Variants in DYNC2H1 observed in about 807,000 individuals in gnomAD.
DYNC2H1 encodes the protein cytoplasmic dynein 2 heavy chain 1.
Under a neutral mutation model 570.0 loss-of-function variants are expected in DYNC2H1, and 410 were observed. The observed-to-expected ratio is 0.72, with a 90% CI of 0.66 to 0.78. The LOEUF (loss-of-function observed/expected upper bound fraction) is 0.78. Among genes scored for constraint, DYNC2H1 ranks in the 30% least tolerant of loss-of-function variants. DYNC2H1 has a pLI of 0.00. For synonymous variants in DYNC2H1, 1,688 were observed against 1,677.6 expected (o/e 1.01, Z -0.15); for missense variants, 4,865 against 5,046.4 (o/e 0.96, Z 1.09).
At chr11:103,168,017 C>T (rs1861402609) in intron 31 of DYNC2H1, among the ~76,000 whole-genome samples, 1 of 152,156 alleles carries the variant, frequency 6.6e-6, no homozygotes, top group African/African-American at 2.4e-5. Context: ...TTTTTTCAAT[C>T]TCCTTCTTCT....
In DYNC2H1 at chr11:103,399,048, G is replaced by A. The variant is rs867890869; in HGVS notation, c.12157-615G>A. Among the ~76,000 whole-genome samples, 10 of 151,696 alleles carry A rather than the reference G, an allele frequency of 6.6e-5. No individual in the cohort carries two copies. The Middle Eastern group carries it at 0.017, about 258-fold the overall frequency. On this transcript the variant is annotated intron_variant, in intron 83 of 88. Coordinates refer to ENST00000375735, the MANE Select transcript of DYNC2H1 (RefSeq NM_001377.3). ...TTCTGATCTCTTTGCATTGACTTAC[G>A]GGATGCCATTTTTTCTACTTTCTTT...
intron 75 of DYNC2H1, among the ~76,000 whole-genome samples, chr11:103,290,335 T>C (rs1157594996): frequency 6.6e-6 from 1 of 152,146 alleles, no homozygotes; most frequent in Non-Finnish European, 1.5e-5. Context: ...GATGAGTATA[T>C]GGAAATAAGT....
rs1000091191 is a variant in DYNC2H1, at chr11:103,129,485, C to T, written c.1953+480C>T. On this transcript the variant is annotated intron_variant, in intron 13 of 88. Transcript: ENST00000375735. The surrounding 1 kb of genome is among the most constrained non-coding windows in gnomAD (Gnocchi z 4.1). ...TCACCTGACATCAGGGGTTTGAGAC[C>T]AGCCTGGCCAACATGGTGAAACCCC... 6.6e-6 allele frequency among the ~76,000 whole-genome samples: 1 copy of T among 152,118 alleles called. No homozygotes were observed. The highest frequency in any genetic ancestry group is 6.6e-5 in the Admixed American group (1 of 15,262).
At chr11:103,162,219 G>A (rs538559878) in intron 29 of DYNC2H1, among the ~76,000 whole-genome samples, 1 of 21,578 alleles carries the variant, frequency 4.6e-5, no homozygotes, top group Non-Finnish European at 8.2e-5. Flanking sequence ...GCACTGAGAG[G>A]CAGATTCTCA....
rs546350427 is a variant in DYNC2H1, at chr11:103,304,253, A to C, written c.11257-342A>C. On this transcript the variant is annotated intron_variant, in intron 76 of 88. Coordinates refer to ENST00000375735, the MANE Select transcript of DYNC2H1 (RefSeq NM_001377.3). The stretch of plus-strand genomic sequence containing the variant: ...GCAGCGCTGTTAGGCTCAGGTGTGA[A>C]GGTTTTGCACTAAGTCTAGAGAGTT... Among the ~76,000 whole-genome samples, 15 of 152,276 alleles carry C rather than the reference A, an allele frequency of 9.9e-5. No individual in the cohort carries two copies. In the East Asian group the frequency reaches 2.7e-3, roughly 27 times the overall value.
At chr11:103,214,436 A>ACTT (rs1362742305) in intron 54 of DYNC2H1, among the ~76,000 whole-genome samples, 11 of 111,710 alleles carry the variant, frequency 9.8e-5, no homozygotes, top group Admixed American at 8.9e-4. Context: ...CAATACTAGT[A>ACTT]CTTCTTCTTC....
chr11:103,212,081 AC>A, intron 54 of DYNC2H1, 138 bp downstream of exon 54: 5 of 1,092,860 alleles, frequency 4.6e-6, no homozygotes, highest in Non-Finnish European at 4.7e-6. Flanking sequence ...AAACAGTCTC[AC>A]TTTCCTACCT....
chr11:103,375,935 T>G (rs1160819934), intron 83 of DYNC2H1, among the ~76,000 whole-genome samples: 3 of 152,148 alleles, frequency 2.0e-5, no homozygotes, highest in Non-Finnish European at 4.4e-5. Context: ...CAGAATGATA[T>G]GGTTTGGCAG....
At chr11:103,216,215 C>T (rs1863377825) in intron 55 of DYNC2H1, among the ~76,000 whole-genome samples, 2 of 151,894 alleles carry the variant, frequency 1.3e-5, no homozygotes, top group Non-Finnish European at 2.9e-5. Flanking sequence ...GAGAGTTTTC[C>T]TTGCTTTTAA....
chr11:103,349,308 A>G (rs1273621184), intron 82 of DYNC2H1, among the ~76,000 whole-genome samples: 1 of 152,154 alleles, frequency 6.6e-6, no homozygotes, highest in Non-Finnish European at 1.5e-5. Context: ...TAAATAGATG[A>G]ATGTATTAGG....
intron 75 of DYNC2H1, among the ~76,000 whole-genome samples, chr11:103,288,706 AAAAAGAAAAGAAAGT>A (rs1866457811): frequency 6.8e-6 from 1 of 147,542 alleles, no homozygotes; most frequent in Non-Finnish European, 1.5e-5. Context: ...AAAAAAAAAA[AAAAAGAAAAGAAAGT>A]AAAAGAAAGA....
intron 54 of DYNC2H1, 84 bp downstream of exon 54, chr11:103,212,027 C>A: frequency 7.8e-7 from 1 of 1,286,946 alleles, no homozygotes; most frequent in Non-Finnish European, 9.9e-7. Flanking sequence ...TTGCGGGTGG[C>A]ATATATCTGG....
At chr11:103,293,465 G>A (rs1345653525) in intron 75 of DYNC2H1, among the ~76,000 whole-genome samples, 1 of 151,980 alleles carries the variant, frequency 6.6e-6, no homozygotes, top group Non-Finnish European at 1.5e-5. Flanking sequence ...CTTTCTCTAT[G>A]CTAGGCAAGT....
intron 40 of DYNC2H1, among the ~76,000 whole-genome samples, chr11:103,184,219 T>C (rs1034829752): frequency 6.6e-6 from 1 of 151,994 alleles, no homozygotes. Context: ...TTTCCTGTGC[T>C]ATGCTTGAGC....
intron 80 of DYNC2H1, 51 bp downstream of exon 80, chr11:103,316,671 A>T: frequency 1.5e-6 from 2 of 1,326,326 alleles, no homozygotes; most frequent in Non-Finnish European, 2.0e-6. Flanking sequence ...ATTTTATCTG[A>T]GGTCTTATTA....
Position 103,134,317 on chromosome 11 carries a change from A to C in DYNC2H1, c.2107-4A>C, listed in dbSNP as rs376727602. On this transcript the variant is annotated splice_region_variant and splice_polypyrimidine_tract_variant and intron_variant, in intron 14 of 88. Transcript: ENST00000375735. ...TGAGACTAGCATGCTCTAATTTTTC[A>C]TAGGTGGTTGTTCTTATGAATATTG... 6 of 1,612,234 alleles carry C rather than the reference A, an allele frequency of 3.7e-6. No individual in the cohort carries two copies. The highest frequency in any genetic ancestry group is 5.1e-6 in the Non-Finnish European group (6 of 1,178,848).
chr11:103,311,803 C>G, intron 78 of DYNC2H1, 75 bp from the exon 79 acceptor site: 1 of 1,427,038 alleles, frequency 7.0e-7, no homozygotes, highest in Non-Finnish European at 9.3e-7. Context: ...AAATTATGTT[C>G]TTAAATATGT....
chr11:103,173,128 C>A lies in DYNC2H1; in HGVS notation c.5381C>A (p.Ala1794Asp). 6.7e-7 allele frequency: 1 copy of A among 1,497,756 alleles called. No homozygotes were observed. Among genetic ancestry groups the A allele is most frequent in the South Asian group, 1.4e-5 (1 of 70,928 alleles). 92.8% of individuals were successfully genotyped at this position (1,497,756 alleles called of 1,614,324 possible). Reference protein sequence around the residue: ...NSGIFITMNPAGKGYGGRQKL... With the variant: ...NSGIFITMNPDGKGYGGRQKL... ...GGAATTTTTATCACTATGAATCCTG[C>A]TGGAAAAGGTTATGGAGGAAGACAA... The change falls in exon 35 of 89, where the codon GCT becomes GAT. Residue 1794 changes from alanine (A) to aspartate (D), a missense_variant. Coordinates refer to ENST00000375735, the MANE Select transcript of DYNC2H1 (RefSeq NM_001377.3).
At chr11:103,440,617 A>G (rs1022579868) in intron 85 of DYNC2H1, among the ~76,000 whole-genome samples, 5 of 152,210 alleles carry the variant, frequency 3.3e-5, no homozygotes, top group African/African-American at 9.6e-5. Flanking sequence ...CATATAGACT[A>G]TCATTAAAGC....
Sources: allele counts gnomAD v4.1 joint callset (sites outside exome capture counted in the v4.1 genomes callset), GRCh38; gene constraint gnomAD v4.1.1; non-coding constraint Gnocchi (gnomAD v3.1); transcripts MANE v1.5; gene names NCBI Gene and HGNC (gene_info 2026-07-23, HGNC 2026-07-21).